Variants in HSDL2 observed in about 807,000 individuals in gnomAD.
The protein encoded by HSDL2 is hydroxysteroid dehydrogenase like 2.
HSDL2 carries 27 observed loss-of-function variants against 46.3 expected under a neutral mutation model. The ratio of observed to expected loss-of-function variants is 0.58; its 90% CI spans 0.43 to 0.80. HSDL2 has a LOEUF of 0.80. Ranked by LOEUF, HSDL2 falls within the 30% of genes least tolerant of loss-of-function variation. HSDL2 has a pLI of 0.00. For missense variants in HSDL2, 451 were observed against 502.7 expected (o/e 0.90, Z 0.98); for synonymous variants, 153 against 163.6 (o/e 0.94, Z 0.50).
At chr9:112,446,399 G>A (rs1358477379) in intron 8 of HSDL2, among the ~76,000 whole-genome samples, 1 of 152,174 alleles carries the variant, frequency 6.6e-6, no homozygotes, top group African/African-American at 2.4e-5. Flanking sequence ...TGTGGTGGGA[G>A]GATTGCCCGA....
At chr9:112,430,128 G>A (rs1348681208) in intron 6 of HSDL2, among the ~76,000 whole-genome samples, 1 of 151,858 alleles carries the variant, frequency 6.6e-6, no homozygotes, top group African/African-American at 2.4e-5. Context: ...CTTTCTGAGA[G>A]TGCCAAGTCC....
intron 9 of HSDL2, among the ~76,000 whole-genome samples, chr9:112,455,062 G>A (rs866210805): frequency 1.3e-5 from 2 of 151,968 alleles, no homozygotes; most frequent in African/African-American, 4.8e-5. Context: ...AAATTTACAC[G>A]TTAATAATAG....
At chr9:112,458,341 T>G (rs1191493365) in intron 9 of HSDL2, among the ~76,000 whole-genome samples, 1 of 151,030 alleles carries the variant, frequency 6.6e-6, no homozygotes, top group African/African-American at 2.4e-5. Context: ...TTTTTTCTTT[T>G]GAGACGGAGT....
At chr9:112,406,151 A>C (rs1448269599) in intron 3 of HSDL2, among the ~76,000 whole-genome samples, 2 of 149,580 alleles carry the variant, frequency 1.3e-5, no homozygotes, top group Non-Finnish European at 3.0e-5. Flanking sequence ...ACAGAGCAAG[A>C]CTCTGTCTCA....
At chr9:112,407,052 C>T (rs192512993) in intron 3 of HSDL2, among the ~76,000 whole-genome samples, 3 of 151,142 alleles carry the variant, frequency 2.0e-5, no homozygotes, top group African/African-American at 7.2e-5. Context: ...TACTTATAAT[C>T]CCAATGCAGA....
At chr9:112,450,626 C>CAA (rs56114018) in intron 8 of HSDL2, among the ~76,000 whole-genome samples, 19,495 of 120,636 alleles carry the variant, frequency 0.16, 2,036 homozygotes, top group East Asian at 0.21. Flanking sequence ...AAGACTGCCT[C>CAA]AAAAAAAAAA....
rs555878834 is a variant in HSDL2 at position 112,463,140 on chromosome 9, T to C, written c.1144+3563T>C. Among the ~76,000 whole-genome samples the C allele has an allele frequency of 5.5e-3, 833 of 152,330 alleles. 12 individuals carry two copies. The highest frequency in any genetic ancestry group is 0.018 in the African/African-American group (759 of 41,576). On this transcript the variant is annotated intron_variant, in intron 10 of 10. Coordinates refer to ENST00000398805, the MANE Select transcript of HSDL2 (RefSeq NM_032303.5). The stretch of plus-strand genomic sequence containing the variant: ...GATTGTTTCAAGTTTTTGGCTATTA[T>C]GGATATTGCTGCTATGAACATTCTC...
chr9:112,459,345 C>A, intron 9 of HSDL2, 104 bp from the exon 10 acceptor site: 1 of 1,309,026 alleles, frequency 7.6e-7, no homozygotes, highest in Non-Finnish European at 1.1e-6. Flanking sequence ...GGGATTTTAA[C>A]TTGGAAAACA....
chr9:112,426,426 G>A (rs1226032523), intron 6 of HSDL2, among the ~76,000 whole-genome samples: 2 of 152,122 alleles, frequency 1.3e-5, no homozygotes, highest in East Asian at 3.9e-4. Context: ...AGTAGAGACA[G>A]GGTTTCGCCA....
chr9:112,465,287 C>T (rs1278392856), intron 10 of HSDL2, among the ~76,000 whole-genome samples: 2 of 152,122 alleles, frequency 1.3e-5, no homozygotes, highest in African/African-American at 4.8e-5. Context: ...CACTACCACG[C>T]CTGGCTAATT....
At chr9:112,413,337 G>A (rs918529564) in intron 4 of HSDL2, among the ~76,000 whole-genome samples, 3 of 151,952 alleles carry the variant, frequency 2.0e-5, no homozygotes, top group Non-Finnish European at 2.9e-5. Flanking sequence ...AATTAGCAAG[G>A]TGTGGTGGCA....
chr9:112,413,500 AAAAGAAAAG>A (rs1252074565), intron 4 of HSDL2, among the ~76,000 whole-genome samples: 2 of 48,532 alleles, frequency 4.1e-5, no homozygotes, highest in African/African-American at 6.4e-5. Context: ...AAAAAGAAAA[AAAAGAAAAG>A]AAAAGAAATA....
intron 8 of HSDL2, among the ~76,000 whole-genome samples, chr9:112,442,952 G>C (rs1180955950): frequency 6.6e-6 from 1 of 151,634 alleles, no homozygotes; most frequent in Non-Finnish European, 1.5e-5. Flanking sequence ...GGACTTTTTT[G>C]TATTACAGAC....
At chr9:112,449,729 G>A (rs111899489) in intron 8 of HSDL2, among the ~76,000 whole-genome samples, 312 of 151,894 alleles carry the variant, frequency 2.1e-3, no homozygotes, top group African/African-American at 7.3e-3. Flanking sequence ...GTCGGGTGTG[G>A]TGGTGCACAT....
In HSDL2 at chr9:112,434,495, A is replaced by G. The variant is rs1182117372; in HGVS notation, c.599-3936A>G. Among the ~76,000 whole-genome samples, 3 of 152,320 alleles carry G rather than the reference A, an allele frequency of 2.0e-5. 1 individual carries two copies. In the South Asian group the frequency reaches 6.2e-4, roughly 32 times the overall value. On this transcript the variant is annotated intron_variant, in intron 6 of 10. Transcript: ENST00000398805. ...GTTTATACCATTTTCATTGATTCTG[A>G]CATGCCCATGCTTTATATTTGTACA... is the stretch of plus-strand genomic sequence containing the variant.
chr9:112,458,452 A>T (rs977887136), intron 9 of HSDL2, among the ~76,000 whole-genome samples: 4 of 151,240 alleles, frequency 2.6e-5, no homozygotes, highest in African/African-American at 9.7e-5. Flanking sequence ...CAGCCTCCCA[A>T]GTAGCTGGGA....
Position 112,399,030 on chromosome 9 carries a change from C to T in HSDL2, c.18-4965C>T, listed in dbSNP as rs573974182. On this transcript the variant is annotated intron_variant, in intron 1 of 10. Transcript: ENST00000398805. Reference sequence around the variant, plus strand: ...CCGGACCAATGAACGTTTCTATGCACGTACCAAAAGGAATCGGGTTCCCAC... The same window carrying T: ...CCGGACCAATGAACGTTTCTATGCATGTACCAAAAGGAATCGGGTTCCCAC... Among the ~76,000 whole-genome samples the T allele has an allele frequency of 7.3e-4, 111 of 151,712 alleles. 1 individual carries two copies. Among genetic ancestry groups the T allele is most frequent in the African/African-American group, 2.2e-3 (91 of 41,302 alleles).
chr9:112,418,371 C>A (rs1181702153), intron 5 of HSDL2, among the ~76,000 whole-genome samples: 2 of 151,608 alleles, frequency 1.3e-5, no homozygotes, highest in African/African-American at 4.8e-5. Context: ...TTGCTTGAGC[C>A]CAGGAGTTCA....
intron 3 of HSDL2, among the ~76,000 whole-genome samples, chr9:112,408,653 T>TGAC (rs1831789270): frequency 6.6e-6 from 1 of 152,182 alleles, no homozygotes; most frequent in Non-Finnish European, 1.5e-5. Context: ...GTTACTGTAC[T>TGAC]GACTACTGTA....
Sources: gnomAD v4.1 joint callset for allele counts (sites outside exome capture counted in the v4.1 genomes callset) on GRCh38, gnomAD v4.1.1 for gene constraint, MANE v1.5 for transcripts, NCBI Gene and HGNC (gene_info 2026-07-23, HGNC 2026-07-21) for gene names.